Variants in PHLPP2 observed in about 807,000 individuals in gnomAD.
The protein encoded by PHLPP2 is PH domain and leucine rich repeat protein phosphatase 2, also known as PH domain leucine-rich repeat-containing protein phosphatase 2.
In PHLPP2, 66 loss-of-function variants were observed where a neutral mutation model predicts 124.9. The ratio of observed to expected loss-of-function variants is 0.53; its 90% confidence interval spans 0.43 to 0.65. The LOEUF (loss-of-function observed/expected upper bound fraction) is 0.65, where lower values mean the gene tolerates loss of function less well. Ranked by LOEUF, PHLPP2 falls within the 30% of genes least tolerant of loss-of-function variation. PHLPP2 has a pLI of 0.00. For missense variants in PHLPP2, 1,685 were observed against 1,600.4 expected, an observed-to-expected ratio of 1.05 and a Z score of -0.90; for synonymous variants, 681 against 624.7, an observed-to-expected ratio of 1.09 and a Z score of -1.34.
chr16:71,702,478 T>C, intron 3 of PHLPP2, 120 bp downstream of exon 3: 1 of 737,722 alleles, frequency 1.4e-6, no homozygotes, highest in African/African-American at 1.7e-5. Context: ...TTAACTACGT[T>C]AGTTAATTGG....
At chr16:71,705,652 C>T (rs2045268419) in intron 2 of PHLPP2, among the ~76,000 whole-genome samples, 1 of 152,150 alleles carries the variant, frequency 6.6e-6, no homozygotes, top group Non-Finnish European at 1.5e-5. Flanking sequence ...GCTGGGACTA[C>T]AGGCCCACGC....
intron 16 of PHLPP2, 30 bp from the exon 17 acceptor site, chr16:71,655,464 G>C: frequency 2.3e-4 from 310 of 1,322,964 alleles, no homozygotes; most frequent in Non-Finnish European, 3.1e-4. Flanking sequence ...ACAGAAAACA[G>C]AAAAGTTACT....
At chr16:71,690,260 C>G (rs2045096692) in intron 4 of PHLPP2, among the ~76,000 whole-genome samples, 3 of 152,260 alleles carry the variant, frequency 2.0e-5, no homozygotes, top group Admixed American at 6.5e-5. Flanking sequence ...TGGTAGCATC[C>G]ACTGTCTACT....
At chr16:71,682,987 A>G (rs917144536) in intron 5 of PHLPP2, among the ~76,000 whole-genome samples, 1 of 152,180 alleles carries the variant, frequency 6.6e-6, no homozygotes, top group African/African-American at 2.4e-5. Context: ...CCTGGCCAAC[A>G]TGGTGAAACC....
chr16:71,700,285 G>C (rs772116766), intron 3 of PHLPP2, among the ~76,000 whole-genome samples: 2 of 151,960 alleles, frequency 1.3e-5, no homozygotes, highest in Non-Finnish European at 2.9e-5. Flanking sequence ...CGCACGTGTA[G>C]TTCCAGCTAC....
At chr16:71,717,005 T>C (rs1176789808) in intron 1 of PHLPP2, among the ~76,000 whole-genome samples, 3 of 152,228 alleles carry the variant, frequency 2.0e-5, no homozygotes, top group Non-Finnish European at 4.4e-5. Flanking sequence ...GAAGTGTTTG[T>C]AGAACTCAGC....
At chr16:71,692,164 G>A (rs372315798) in intron 3 of PHLPP2, among the ~76,000 whole-genome samples, 4 of 151,932 alleles carry the variant, frequency 2.6e-5, no homozygotes, top group Non-Finnish European at 4.4e-5. Flanking sequence ...CCGCCTCCCA[G>A]CTTCATGCCA....
Position 71,678,769 on chromosome 16 carries a change from C to T in PHLPP2, c.1254G>A (p.Lys418=), listed in dbSNP as rs746067757. Residue 418 remains lysine (K), a synonymous_variant, in exon 8 of 19, where the codon AAG becomes AAA. Coordinates refer to ENST00000568954, the MANE Select transcript of PHLPP2 (RefSeq NM_015020.3). ...LGVLNRMNHI[K]HVDLRMNHLK... is the part of the protein sequence containing the mutation. The stretch of plus-strand genomic sequence containing the variant: ...AATAACCTTACCTTAAATCCACATG[C>T]TTGATATGGTTCATCCTATTCAGCA... 34 of 1,584,224 alleles carry T rather than the reference C, an allele frequency of 2.1e-5. No individual in the cohort carries two copies. In the South Asian group the frequency reaches 3.5e-4, roughly 17 times the overall value.
intron 1 of PHLPP2, among the ~76,000 whole-genome samples, chr16:71,716,642 C>T (rs1459762789): frequency 2.0e-5 from 3 of 150,898 alleles, no homozygotes; most frequent in Non-Finnish European, 4.4e-5. Flanking sequence ...ATGTTTCAAT[C>T]ACCTCCAACT....
chr16:71,648,690 T>C lies in PHLPP2; in HGVS notation c.*200A>G, dbSNP rs1162170777. 3.6e-6 allele frequency: 2 copies of C among 560,416 alleles called. No individual in the cohort carries two copies. Among genetic ancestry groups the C allele is most frequent in the Admixed American group, 6.1e-5 (2 of 33,024 alleles). 34.7% of individuals were successfully genotyped at this position (560,416 alleles called of 1,614,324 possible). ...GGGAGGCTGAGACAGGAGAATGGCT[T>C]GAACCCAGGGACAGAGGCTGCAGTG... is the stretch of plus-strand genomic sequence containing the variant. On this transcript the variant is annotated 3_prime_UTR_variant, in exon 19 of 19. Transcript: ENST00000568954.
intron 6 of PHLPP2, 105 bp from the exon 7 acceptor site, chr16:71,679,640 T>C: frequency 4.3e-6 from 4 of 927,712 alleles, no homozygotes; most frequent in East Asian, 2.6e-5. Flanking sequence ...ATGTCTATAA[T>C]AGAATTTATT....
chr16:71,684,524 G>C lies in PHLPP2; in HGVS notation c.687C>G (p.Ser229Arg). ...AGAQAQTYHVSFETLAEYQRW... is the reference protein window; with the variant it reads ...AGAQAQTYHVRFETLAEYQRW... ...GCTGGTACTCGGCCAAAGTCTCGAA[G>C]CTGACATGATAGGTCTGAGCTTGGG... The change falls in exon 5 of 19, where the codon AGC becomes AGG. Residue 229 changes from serine to arginine, a missense_variant. Transcript: ENST00000568954. The C allele has an allele frequency of 6.2e-7, 1 of 1,613,932 alleles. No individual in the cohort carries two copies. Among genetic ancestry groups the C allele is most frequent in the Non-Finnish European group, 8.5e-7 (1 of 1,179,960 alleles).
intron 4 of PHLPP2, 63 bp downstream of exon 4, chr16:71,690,456 T>A: frequency 1.8e-6 from 2 of 1,092,590 alleles, no homozygotes; most frequent in South Asian, 1.4e-5. Context: ...ATGAAAAGCA[T>A]TATGTGATAT....
Position 71,681,656 on chromosome 16 carries a change from T to G in PHLPP2, c.890+95A>C, listed in dbSNP as rs1029801708. 4 of 964,042 alleles carry G rather than the reference T, an allele frequency of 4.1e-6. No homozygotes were observed. In the African/African-American group the frequency reaches 6.7e-5, roughly 16 times the overall value. 59.7% of individuals were successfully genotyped at this position (964,042 alleles called of 1,614,324 possible). A position where few individuals can be genotyped will look rare whatever the true frequency, so the allele number is the denominator to read the frequency against. Reference sequence around the variant, plus strand: ...CCTCTTCAAAAGGGAGGGGAAATTTTAGAATATACATACAATGGTAGCAGG... The same window carrying G: ...CCTCTTCAAAAGGGAGGGGAAATTTGAGAATATACATACAATGGTAGCAGG... On this transcript the variant is annotated intron_variant, in intron 6 of 18. Transcript: ENST00000568954.
chr16:71,660,599 G>C (rs754094230), intron 13 of PHLPP2, among the ~76,000 whole-genome samples: 1 of 151,594 alleles, frequency 6.6e-6, no homozygotes, highest in East Asian at 1.9e-4. Context: ...CTAATTTTTT[G>C]TATTTTTAGT....
intron 9 of PHLPP2, among the ~76,000 whole-genome samples, chr16:71,675,271 GTTA>G (rs769610272): frequency 6.6e-5 from 10 of 152,052 alleles, no homozygotes; most frequent in Non-Finnish European, 2.9e-5. Context: ...AGTATAAAAT[GTTA>G]TTATTTACAT....
intron 3 of PHLPP2, among the ~76,000 whole-genome samples, chr16:71,698,855 CTG>C (rs1288530565): frequency 5.9e-5 from 9 of 152,188 alleles, no homozygotes; most frequent in Admixed American, 3.3e-4. Context: ...TCCAGCAAGA[CTG>C]ATAACTGGCA....
rs182647340 is a variant in PHLPP2 at position 71,650,053 on chromosome 16, G to A, written c.2818-9C>T. The A allele has an allele frequency of 1.9e-5, 30 of 1,593,886 alleles. No homozygotes were observed. The East Asian group carries it at 3.6e-4, about 19-fold the overall frequency. ...CCATTCACTTTGTTGTCCTACAGAA[G>A]AGCAGGACACAAATTCTGAGAAACA... On this transcript the variant is annotated splice_polypyrimidine_tract_variant and intron_variant, in intron 18 of 18. Coordinates refer to ENST00000568954, the MANE Select transcript of PHLPP2 (RefSeq NM_015020.3).
intron 2 of PHLPP2, among the ~76,000 whole-genome samples, chr16:71,711,834 G>C (rs1567629756): frequency 6.6e-6 from 1 of 152,190 alleles, no homozygotes; most frequent in Non-Finnish European, 1.5e-5. Flanking sequence ...ATTAGATAAT[G>C]TAAAACTGAT....
Sources: allele counts gnomAD v4.1 joint callset (sites outside exome capture counted in the v4.1 genomes callset), GRCh38; gene constraint gnomAD v4.1.1; transcripts MANE v1.5; gene names NCBI Gene and HGNC (gene_info 2026-07-23, HGNC 2026-07-21).